Variants in FSTL5 observed in about 807,000 individuals in gnomAD.
FSTL5 encodes follistatin like 5.
A neutral mutation model predicts 89.1 loss-of-function variants in FSTL5; 62 were observed. That is an observed-to-expected ratio of 0.70 (90% CI 0.57 to 0.86). The LOEUF is 0.86. Among genes scored for constraint, FSTL5 ranks in the 40% least tolerant of loss-of-function variants. The pLI, the probability that FSTL5 is intolerant of heterozygous loss-of-function variation, is 0.00. For missense variants in FSTL5, 1,057 were observed against 1,001.6 expected, an observed-to-expected ratio of 1.06 and a Z score of -0.75; for synonymous variants, 383 against 346.2, an observed-to-expected ratio of 1.11 and a Z score of -1.18.
intron 5 of FSTL5, among the ~76,000 whole-genome samples, chr4:161,773,493 A>T (rs1242239334): frequency 3.3e-5 from 5 of 152,130 alleles, no homozygotes; most frequent in Non-Finnish European, 7.4e-5. Context: ...CAAACAAATC[A>T]GCAAGAAAAA....
intron 4 of FSTL5, among the ~76,000 whole-genome samples, chr4:161,809,719 T>TATCCATTCACAAAAGA (rs965928583): frequency 6.6e-6 from 1 of 152,236 alleles, no homozygotes; most frequent in Non-Finnish European, 1.5e-5. Context: ...CCAAGTGAAA[T>TATCCATTCACAAAAGA]ATCCATTCAC....
At chr4:161,999,862 T>A (rs963830584) in intron 3 of FSTL5, among the ~76,000 whole-genome samples, 1 of 152,182 alleles carries the variant, frequency 6.6e-6, no homozygotes, top group African/African-American at 2.4e-5. Context: ...ATCTCTAGTC[T>A]CTTCAAAAGT....
At chr4:161,541,387 T>C (rs529327150) in intron 9 of FSTL5, among the ~76,000 whole-genome samples, 1 of 152,192 alleles carries the variant, frequency 6.6e-6, no homozygotes, top group Admixed American at 6.5e-5. Flanking sequence ...TTATTGCTAT[T>C]AAATGGGCAA....
intron 5 of FSTL5, among the ~76,000 whole-genome samples, chr4:161,761,819 G>A (rs1219462771): frequency 1.3e-5 from 2 of 152,058 alleles, no homozygotes; most frequent in Non-Finnish European, 2.9e-5. Context: ...TCCATGCATA[G>A]GACAAAGTAG....
At chr4:161,479,264 GT>G (rs747247093) in intron 13 of FSTL5, among the ~76,000 whole-genome samples, 25 of 151,774 alleles carry the variant, frequency 1.6e-4, no homozygotes, top group Non-Finnish European at 3.2e-4. Flanking sequence ...AAATAATACA[GT>G]TTATGTAATT....
intron 3 of FSTL5, among the ~76,000 whole-genome samples, chr4:162,027,621 G>A (rs754632504): frequency 1.3e-5 from 2 of 152,068 alleles, no homozygotes; most frequent in African/African-American, 2.4e-5. Flanking sequence ...ACAGATGTCA[G>A]CTAATGAAAT....
chr4:161,493,640 T>G (rs1729959982), intron 12 of FSTL5, among the ~76,000 whole-genome samples: 1 of 152,070 alleles, frequency 6.6e-6, no homozygotes. Flanking sequence ...AATATTTTTT[T>G]CCATCAAAAT....
At chr4:161,656,136 C>T (rs1012690679) in intron 7 of FSTL5, among the ~76,000 whole-genome samples, 192 bp downstream of exon 7, 3 of 151,958 alleles carry the variant, frequency 2.0e-5, no homozygotes, top group Non-Finnish European at 4.4e-5. Context: ...TTTGCTATAC[C>T]AATACAAATG....
intron 14 of FSTL5, among the ~76,000 whole-genome samples, chr4:161,456,344 A>C (rs1404075923): frequency 2.0e-5 from 3 of 152,192 alleles, no homozygotes; most frequent in Non-Finnish European, 2.9e-5. Flanking sequence ...GAGGACACTA[A>C]TTGGAAAATA....
At chr4:161,947,292 G>T (rs377496568) in intron 3 of FSTL5, among the ~76,000 whole-genome samples, 2 of 149,720 alleles carry the variant, frequency 1.3e-5, no homozygotes, top group Admixed American at 1.4e-4. Flanking sequence ...GTTGCTTTTT[G>T]TGTGCTATGT....
intron 6 of FSTL5, among the ~76,000 whole-genome samples, chr4:161,659,324 GA>G (rs1285405799): frequency 6.6e-6 from 1 of 151,926 alleles, no homozygotes; most frequent in Non-Finnish European, 1.5e-5. Context: ...ATGTTGTATA[GA>G]AAAAATACAC....
At chr4:161,820,982 A>G (rs1730475478) in intron 4 of FSTL5, among the ~76,000 whole-genome samples, 1 of 151,646 alleles carries the variant, frequency 6.6e-6, no homozygotes, top group Admixed American at 6.6e-5. Context: ...ACAAATAAAA[A>G]ATGTATATAT....
At chr4:161,700,606 G>C (rs1738355598) in intron 6 of FSTL5, among the ~76,000 whole-genome samples, 2 of 151,934 alleles carry the variant, frequency 1.3e-5, no homozygotes, top group Non-Finnish European at 2.9e-5. Flanking sequence ...CGAATTCCTA[G>C]GTTCAAGCAA....
chr4:161,426,099 T>A (rs957015909), intron 15 of FSTL5, among the ~76,000 whole-genome samples: 52 of 152,156 alleles, frequency 3.4e-4, no homozygotes, highest in African/African-American at 1.1e-3. Context: ...TTAATATTAT[T>A]TATACTGTGT....
chr4:161,513,957 T>C (rs1730735081), intron 10 of FSTL5, among the ~76,000 whole-genome samples: 2 of 151,918 alleles, frequency 1.3e-5, no homozygotes, highest in Admixed American at 1.3e-4. Flanking sequence ...ATGTAACAAA[T>C]CTGAACATGA....
chr4:161,403,528 CTG>C (rs1363235152), intron 15 of FSTL5, among the ~76,000 whole-genome samples: 2 of 152,074 alleles, frequency 1.3e-5, no homozygotes, highest in Non-Finnish European at 2.9e-5. Flanking sequence ...TATTGTTAAT[CTG>C]TGTTTGAGAA....
chr4:161,634,296 G>C (rs867303118), intron 7 of FSTL5, among the ~76,000 whole-genome samples: 6 of 152,160 alleles, frequency 3.9e-5, no homozygotes, highest in Admixed American at 6.5e-5. Flanking sequence ...ACATTATTTA[G>C]AGCTGTTGAC....
chr4:161,817,713 C>T (rs749108448), intron 4 of FSTL5, among the ~76,000 whole-genome samples: 2 of 152,032 alleles, frequency 1.3e-5, no homozygotes, highest in Non-Finnish European at 2.9e-5. Context: ...AAGTCATGTA[C>T]ATGTGCGTGT....
chr4:162,036,355 T>G (rs1443541172), intron 2 of FSTL5, among the ~76,000 whole-genome samples: 1 of 152,076 alleles, frequency 6.6e-6, no homozygotes, highest in African/African-American at 2.4e-5. Flanking sequence ...ATATCCTTAG[T>G]GTCACCCTGT....
Sources: gnomAD v4.1 joint callset for allele counts (sites outside exome capture counted in the v4.1 genomes callset) on GRCh38, gnomAD v4.1.1 for gene constraint, MANE v1.5 for transcripts, NCBI Gene and HGNC (gene_info 2026-07-23, HGNC 2026-07-21) for gene names.